The following CES5A variants were observed in gnomAD, a reference collection of about 807,000 sequenced individuals.
CES5A encodes carboxylesterase 5A.
Under a neutral mutation model 62.9 loss-of-function variants are expected in CES5A, and 67 were observed. The observed-to-expected ratio is 1.07, with a 90% confidence interval of 0.88 to 1.31. CES5A has a LOEUF of 1.31. Among genes scored for constraint, CES5A ranks in the 50% most tolerant of loss-of-function variants. The pLI is 0.00. For missense variants in CES5A, 748 were observed against 708.5 expected, an observed-to-expected ratio of 1.06 and a Z score of -0.63; for synonymous variants, 296 against 280.8, an observed-to-expected ratio of 1.05 and a Z score of -0.54.
intron 4 of CES5A, among the ~76,000 whole-genome samples, chr16:55,867,619 G>A (rs1205601807): frequency 6.6e-6 from 1 of 151,974 alleles, no homozygotes; most frequent in Non-Finnish European, 1.5e-5. Context: ...TTCTACTGTG[G>A]CTCCCACCCT....
chr16:55,861,783 G>A (rs1200487421), intron 6 of CES5A, among the ~76,000 whole-genome samples: 1 of 152,166 alleles, frequency 6.6e-6, no homozygotes, highest in Non-Finnish European at 1.5e-5. Flanking sequence ...GTCTGTGGCT[G>A]TGGAATGGAA....
At chr16:55,859,059 C>G (rs1215335446) in intron 8 of CES5A, among the ~76,000 whole-genome samples, 12 of 152,198 alleles carry the variant, frequency 7.9e-5, no homozygotes, top group Non-Finnish European at 1.6e-4. Flanking sequence ...TTGTAAGCCT[C>G]TAATAAATGC....
intron 1 of CES5A, among the ~76,000 whole-genome samples, chr16:55,917,413 C>G (rs567902477): frequency 9.2e-5 from 14 of 152,352 alleles, no homozygotes; most frequent in Non-Finnish European, 1.3e-4. Context: ...TATGGTCATG[C>G]TGTTGGCTGG....
chr16:55,931,970 G>A (rs2034317526), intron 2 of CES5A, among the ~76,000 whole-genome samples: 2 of 152,226 alleles, frequency 1.3e-5, no homozygotes, highest in African/African-American at 2.4e-5. Flanking sequence ...GCATTATGAA[G>A]AGGTGGGACT....
In CES5A at chr16:55,849,747, C is replaced by G. The variant is rs1331349651; in HGVS notation, c.1300G>C (p.Glu434Gln). ...RDAGAPVYFY[E>Q]FRHRPQCFED... Reference sequence around the variant, plus strand: ...AAGCACTGAGGCCGGTGCCGAAACTCATAGAAGTAGACAGGTGCACCAGCA... The same window carrying G: ...AAGCACTGAGGCCGGTGCCGAAACTGATAGAAGTAGACAGGTGCACCAGCA... The change falls in exon 11 of 13, where the codon GAG becomes CAG. Residue 434 changes from glutamate to glutamine, a missense_variant. By Grantham distance (29) the Glu-to-Gln change is conservative (BLOSUM62 2). Transcript: ENST00000290567. The G allele has an allele frequency of 6.2e-7, 1 of 1,613,958 alleles. No individual in the cohort carries two copies. The highest frequency in any genetic ancestry group is 8.5e-7 in the Non-Finnish European group (1 of 1,179,894).
intron 5 of CES5A, 32 bp from the exon 6 acceptor site, chr16:55,863,484 G>A: frequency 9.1e-7 from 1 of 1,103,944 alleles, no homozygotes; most frequent in Non-Finnish European, 1.4e-6. Flanking sequence ...CCCAGGAAAG[G>A]TTACTCCCCA....
chr16:55,913,190 G>C (rs530194405), intron 1 of CES5A, among the ~76,000 whole-genome samples: 1 of 152,278 alleles, frequency 6.6e-6, no homozygotes, highest in Non-Finnish European at 1.5e-5. Flanking sequence ...GCTGGAAATG[G>C]AATCATAGGG....
chr16:55,909,996 C>A (rs1262622517), intron 1 of CES5A, among the ~76,000 whole-genome samples: 1 of 152,214 alleles, frequency 6.6e-6, no homozygotes, highest in African/African-American at 2.4e-5. Context: ...AGAGTTCACT[C>A]CAGGACATTC....
chr16:55,903,009 C>A (rs1178031392), intron 1 of CES5A, among the ~76,000 whole-genome samples: 1 of 152,218 alleles, frequency 6.6e-6, no homozygotes, highest in South Asian at 2.1e-4. Flanking sequence ...AAACAAACTG[C>A]ACACTTTATA....
At chr16:55,851,527 G>T (rs2033133228) in intron 10 of CES5A, among the ~76,000 whole-genome samples, 1 of 152,182 alleles carries the variant, frequency 6.6e-6, no homozygotes, top group Non-Finnish European at 1.5e-5. Flanking sequence ...TCGAGAAATT[G>T]CACCCCTTGT....
intron 2 of CES5A, among the ~76,000 whole-genome samples, chr16:55,932,558 A>G (rs1215644846): frequency 4.5e-5 from 1 of 22,164 alleles, no homozygotes; most frequent in Non-Finnish European, 8.7e-5. Flanking sequence ...ACAGAAAATA[A>G]TGGGGGGGGG....
chr16:55,869,023 G>C (rs1332237281), intron 4 of CES5A, among the ~76,000 whole-genome samples: 2 of 152,262 alleles, frequency 1.3e-5, no homozygotes, highest in African/African-American at 4.8e-5. Context: ...CACTGTGATA[G>C]AGTGATGATT....
At position 55,950,726 on chromosome 16, in the gene CES5A, C is replaced by T. The variant is rs35679362; in HGVS notation, c.43-824G>A. Among the ~76,000 whole-genome samples the T allele has an allele frequency of 5.5e-3, 841 of 151,548 alleles. 4 individuals are homozygous for T. The highest frequency in any genetic ancestry group is 9.2e-3 in the Non-Finnish European group (625 of 67,880). On this transcript the variant is annotated intron_variant, in intron 1 of 13. Coordinates refer to the CES5A transcript ENST00000521992. The stretch of plus-strand genomic sequence containing the variant: ...GGCAAAGAAAAAAAAACCCAAAAAA[C>T]GATGGAAGTCTTTAGATTGAAAAAA...
chr16:55,849,346 A>G (rs1436989186), intron 11 of CES5A, among the ~76,000 whole-genome samples: 1 of 77,382 alleles, frequency 1.3e-5, no homozygotes, highest in Non-Finnish European at 2.9e-5. Context: ...TGGTTCTAGT[A>G]TATTAAAAAA....
At chr16:55,947,517 C>T (rs2034509240) in intron 2 of CES5A, among the ~76,000 whole-genome samples, 1 of 152,068 alleles carries the variant, frequency 6.6e-6, no homozygotes. Context: ...ATAAAGCTTC[C>T]ATTCTGCTTG....
At chr16:55,856,476 A>T (rs1484023928) in intron 8 of CES5A, 31 bp from the exon 9 acceptor site, 2 of 1,609,314 alleles carry the variant, frequency 1.2e-6, no homozygotes, top group Non-Finnish European at 1.7e-6. Context: ...TCTGTAAGCC[A>T]TCTGGTCATG....
At chr16:55,943,846 G>C (rs1283449362) in intron 2 of CES5A, among the ~76,000 whole-genome samples, 2 of 152,172 alleles carry the variant, frequency 1.3e-5, no homozygotes, top group African/African-American at 4.8e-5. Context: ...CCCTCTCTGA[G>C]ACTCAGTTTC....
intron 9 of CES5A, 99 bp downstream of exon 9, chr16:55,856,278 G>A: frequency 1.0e-6 from 1 of 985,974 alleles, no homozygotes; most frequent in Middle Eastern, 2.8e-4. Flanking sequence ...GAGTGAGTGA[G>A]GAGTGTCTGT....
At chr16:55,875,432 T>C, upstream of CES5A, 1 of 1,218,076 alleles carries the variant, frequency 8.2e-7, no homozygotes, top group South Asian at 1.9e-5. Flanking sequence ...AAGAAGCTGA[T>C]GATTAACTAT....
Sources: gnomAD v4.1 joint callset for allele counts (sites outside exome capture counted in the v4.1 genomes callset) on GRCh38, gnomAD v4.1.1 for gene constraint, MANE v1.5 for transcripts, NCBI Gene and HGNC (gene_info 2026-07-23, HGNC 2026-07-21) for gene names.